The following ITSN2 variants were observed in gnomAD, a reference collection of about 807,000 sequenced individuals.
ITSN2 encodes the protein intersectin 2.
Under a neutral mutation model 243.7 loss-of-function variants are expected in ITSN2, and 156 were observed. The observed-to-expected ratio is 0.64, with a 90% confidence interval of 0.56 to 0.73. The LOEUF is 0.73. Ranked by LOEUF, ITSN2 falls within the 30% of genes least tolerant of loss-of-function variation. The probability of loss-of-function intolerance (pLI) is 0.00; values close to 1 mark genes in which losing one functional copy is unlikely to be tolerated. For synonymous variants in ITSN2, 703 were observed against 699.9 expected (o/e 1.00, Z -0.07); for missense variants, 1,801 against 1,996.1 (o/e 0.90, Z 1.86).
Position 24,217,912 on chromosome 2 carries a change from C to T in ITSN2, c.3801G>A (p.Leu1267=). 2 of 1,611,130 alleles carry T rather than the reference C, an allele frequency of 1.2e-6. No homozygotes were observed. Among genetic ancestry groups the T allele is most frequent in the Non-Finnish European group, 1.7e-6 (2 of 1,177,372 alleles). The change falls in exon 31 of 40, where the codon CTG becomes CTA. Residue 1267 remains leucine, a synonymous_variant. Transcript: ENST00000355123. The part of the protein sequence containing the change: ...WKELIMSNTK[L]LKALRVRKKT... The stretch of plus-strand genomic sequence containing the variant: ...AGGTGATGCTCAGGACTCACTTCAG[C>T]AGCTTTGTGTTGGACATGATGAGCT...
In ITSN2 at chr2:24,261,585, A is replaced by G. The variant is rs1675864613; in HGVS notation, c.2513T>C (p.Leu838Ser). 3.1e-6 allele frequency: 5 copies of G among 1,612,624 alleles called. No homozygotes were observed. The African/African-American group carries it at 6.7e-5, about 22-fold the overall frequency. Residue 838 changes from leucine (L) to serine (S), a missense_variant, in exon 21 of 40, where the codon TTA becomes TCA. Physicochemically the swap from Leu to Ser is moderately radical, Grantham distance 145 (BLOSUM62 -2). Transcript: ENST00000355123. The stretch of plus-strand genomic sequence containing the variant: ...CTCAGAGGAAGTTGAGGTAGCAGAT[A>G]AAGAAACTGTAGGAGGAAGTAAGGC... Reference protein sequence around the residue: ...KKALLPPTVSLSATSTSSEPL... With the variant: ...KKALLPPTVSSSATSTSSEPL...
intron 20 of ITSN2, among the ~76,000 whole-genome samples, chr2:24,263,163 GTACT>G (rs1676133249): frequency 6.6e-6 from 1 of 151,980 alleles, no homozygotes; most frequent in African/African-American, 2.4e-5. Flanking sequence ...ATAAGTATAT[GTACT>G]TACTACAGAT....
At chr2:24,317,249 T>C (rs1195654839) in intron 2 of ITSN2, among the ~76,000 whole-genome samples, 8 of 152,156 alleles carry the variant, frequency 5.3e-5, no homozygotes, top group Admixed American at 2.6e-4. Flanking sequence ...CTGGGTGTGA[T>C]GGTGGGTGCC....
intron 29 of ITSN2, among the ~76,000 whole-genome samples, chr2:24,222,121 G>A (rs567311722): frequency 6.6e-6 from 1 of 152,078 alleles, no homozygotes; most frequent in South Asian, 2.1e-4. Flanking sequence ...GCGTGGTGGT[G>A]GGCGCCTGTA....
At chr2:24,286,143 T>A in intron 16 of ITSN2, 69 bp downstream of exon 16, 3 of 867,646 alleles carry the variant, frequency 3.5e-6, no homozygotes, top group Non-Finnish European at 5.4e-6. Context: ...AGCTATTTAT[T>A]CTATTAAATC....
chr2:24,306,771 GACTATAGGC>G (rs1682595664), intron 8 of ITSN2, among the ~76,000 whole-genome samples: 1 of 151,806 alleles, frequency 6.6e-6, no homozygotes, highest in Non-Finnish European at 1.5e-5. Context: ...AAGTAGTTGG[GACTATAGGC>G]ACATGCCGCT....
intron 2 of ITSN2, among the ~76,000 whole-genome samples, chr2:24,324,190 C>G (rs1375884488): frequency 6.6e-6 from 1 of 152,112 alleles, no homozygotes; most frequent in Non-Finnish European, 1.5e-5. Flanking sequence ...AGAGATCATG[C>G]CACTGCACTC....
intron 12 of ITSN2, 129 bp downstream of exon 12, chr2:24,299,780 G>A: frequency 1.3e-6 from 1 of 747,652 alleles, no homozygotes; most frequent in Non-Finnish European, 2.1e-6. Context: ...TTTGTATAGG[G>A]TAAGAATGAA....
intron 36 of ITSN2, 24 bp from the exon 37 acceptor site, chr2:24,208,343 G>A (rs373221472): frequency 9.4e-6 from 15 of 1,592,972 alleles, no homozygotes; most frequent in Admixed American, 5.0e-5. Flanking sequence ...AGGGGCAGCC[G>A]TTGGCCGCAT....
rs772942669 is a variant in ITSN2, at chr2:24,270,692, A to C, written c.2334T>G (p.Phe778Leu). The stretch of plus-strand genomic sequence containing the variant: ...CTACCTGAATTATATCTCCAGAATT[A>C]AAACTCATCTCATCATGGTTCCTTG... ...FEARNHDEMSFNSGDIIQVDE... is the reference protein window; with the variant it reads ...FEARNHDEMSLNSGDIIQVDE... The change falls in exon 20 of 40, where the codon TTT becomes TTG. Residue 778 changes from phenylalanine to leucine, a missense_variant. By Grantham distance (22) the Phe-to-Leu change is conservative. Around this residue, in one of 5 missense-constraint regions of ITSN2, gnomAD observed 787 missense variants for 803.9 expected, o/e 0.98. Transcript: ENST00000355123. 1 of 1,586,308 alleles carries C rather than the reference A, an allele frequency of 6.3e-7. No individual in the cohort carries two copies. The highest frequency in any genetic ancestry group is 1.1e-5 in the South Asian group (1 of 89,302).
At chr2:24,289,848 CA>C (rs1428230427) in intron 15 of ITSN2, among the ~76,000 whole-genome samples, 1 of 152,180 alleles carries the variant, frequency 6.6e-6, no homozygotes, top group Non-Finnish European at 1.5e-5. Flanking sequence ...TGGCCCAAGA[CA>C]ACTCTTCTTC....
At chr2:24,318,613 C>T (rs978147973) in intron 2 of ITSN2, among the ~76,000 whole-genome samples, 1 of 152,166 alleles carries the variant, frequency 6.6e-6, no homozygotes, top group African/African-American at 2.4e-5. Flanking sequence ...TGCTTCCTCC[C>T]TAATGATCAG....
chr2:24,205,346 G>C, intron 37 of ITSN2, 49 bp from the exon 38 acceptor site: 1 of 1,513,364 alleles, frequency 6.6e-7, no homozygotes, highest in East Asian at 2.3e-5. Context: ...CAAGGATGCA[G>C]ACCCTGTCTT....
intron 8 of ITSN2, among the ~76,000 whole-genome samples, chr2:24,306,086 T>G (rs1682496331): frequency 6.6e-6 from 1 of 152,112 alleles, no homozygotes; most frequent in South Asian, 2.1e-4. Context: ...CACAAATAAT[T>G]CTGTTGCCTC....
At chr2:24,229,124 A>G (rs1209988423) in intron 29 of ITSN2, among the ~76,000 whole-genome samples, 2 of 148,518 alleles carry the variant, frequency 1.3e-5, no homozygotes, top group Non-Finnish European at 3.0e-5. Flanking sequence ...AAAAACTAAG[A>G]CCCATACCCC....
At chr2:24,311,062 T>TACACACACACACACACAC (rs71397421) in intron 5 of ITSN2, among the ~76,000 whole-genome samples, 1 of 147,884 alleles carries the variant, frequency 6.8e-6, no homozygotes, top group African/African-American at 2.5e-5. Context: ...ACTTGACTAA[T>TACACACACACACACACAC]ACACACACAC....
Position 24,203,567 on chromosome 2 carries a change from C to G in ITSN2, c.*59G>C. 6.5e-7 allele frequency: 1 copy of G among 1,547,638 alleles called. No homozygotes were observed. Among genetic ancestry groups the G allele is most frequent in the Non-Finnish European group, 8.8e-7 (1 of 1,141,426 alleles). On this transcript the variant is annotated 3_prime_UTR_variant, in exon 40 of 40. Transcript: ENST00000355123. ...TCCCTCAGCCCCAAGAGAGCGCAGT[C>G]TCTCATTCTCCAGCCCCAGCCTTGT...
Position 24,257,872 on chromosome 2 carries a change from A to C in ITSN2, c.2888+16T>G. On this transcript the variant is annotated intron_variant, in intron 23 of 39. Coordinates refer to ENST00000355123, the MANE Select transcript of ITSN2 (RefSeq NM_006277.3). ...ACCAACATCCACATCTCATGAAAAC[A>C]CATAAAGATGCTTACTCTTCCCGTT... 1 of 1,588,510 alleles carries C rather than the reference A, an allele frequency of 6.3e-7. No homozygotes were observed. The highest frequency in any genetic ancestry group is 8.6e-7 in the Non-Finnish European group (1 of 1,156,824).
intron 2 of ITSN2, among the ~76,000 whole-genome samples, chr2:24,323,091 G>T (rs572751069): frequency 2.0e-5 from 3 of 151,468 alleles, no homozygotes; most frequent in Non-Finnish European, 2.9e-5. Flanking sequence ...CCAAACAACC[G>T]CAACTCATAT....
Sources: gnomAD v4.1 joint callset for allele counts (sites outside exome capture counted in the v4.1 genomes callset) on GRCh38, gnomAD v4.1.1 for gene constraint, gnomAD v4.1.1 regional missense constraint, MANE v1.5 for transcripts, NCBI Gene and HGNC (gene_info 2026-07-23, HGNC 2026-07-21) for gene names.